Variants in ADAMTS2 observed in about 807,000 individuals in gnomAD.
ADAMTS2 encodes A disintegrin and metalloproteinase with thrombospondin motifs 2.
In ADAMTS2, 50 loss-of-function variants were observed where a neutral mutation model predicts 123.0. That is an observed-to-expected ratio of 0.41 (90% confidence interval 0.32 to 0.51). ADAMTS2 has a LOEUF of 0.51. Ranked by LOEUF, ADAMTS2 falls within the 20% of genes least tolerant of loss-of-function variation. The pLI, the probability that ADAMTS2 is intolerant of heterozygous loss-of-function variation, is 0.35. For synonymous variants in ADAMTS2, 678 were observed against 695.4 expected (o/e 0.98, Z 0.39); for missense variants, 1,494 against 1,705.2 (o/e 0.88, Z 2.18).
Position 179,158,880 on chromosome 5 carries a change from C to T in ADAMTS2, c.976-1G>A. ...TCCCGATCTCGATGAGGCTCATGGA[C>T]TGCAGGGGGATGGAGAGAAATGGAA... On this transcript the variant is annotated splice_acceptor_variant, in intron 5 of 21. Coordinates refer to ENST00000251582, the MANE Select transcript of ADAMTS2 (RefSeq NM_014244.5). LOFTEE classifies it high-confidence loss of function. The surrounding 1 kb of genome is among the most constrained non-coding windows in gnomAD (Gnocchi z 5.0). 6.2e-7 allele frequency: 1 copy of T among 1,613,978 alleles called. No homozygotes were observed. Among genetic ancestry groups the T allele is most frequent in the Non-Finnish European group, 8.5e-7 (1 of 1,180,018 alleles).
intron 2 of ADAMTS2, among the ~76,000 whole-genome samples, chr5:179,327,682 C>G (rs145873535): frequency 3.9e-5 from 6 of 152,308 alleles, no homozygotes; most frequent in Non-Finnish European, 7.4e-5. Flanking sequence ...CCATTCAGGC[C>G]AAGGTTTGTC....
chr5:179,233,440 A>G (rs1417331943), intron 3 of ADAMTS2, among the ~76,000 whole-genome samples: 1 of 152,080 alleles, frequency 6.6e-6, no homozygotes, highest in African/African-American at 2.4e-5. Flanking sequence ...CAGCACTTTG[A>G]AAGGCTGAGG....
intron 4 of ADAMTS2, among the ~76,000 whole-genome samples, chr5:179,201,631 C>CAAAAAAAAAAAAAAA (rs58141791): frequency 7.6e-5 from 7 of 91,882 alleles, no homozygotes; most frequent in African/African-American, 2.7e-4. Context: ...ACTAAAAATA[C>CAAAAAAAAAAAAAAA]AAAAAAAAAA....
At chr5:179,192,761 G>GCAC (rs1561797696) in intron 4 of ADAMTS2, among the ~76,000 whole-genome samples, 1 of 152,184 alleles carries the variant, frequency 6.6e-6, no homozygotes, top group Non-Finnish European at 1.5e-5. Flanking sequence ...TTCCCACGGG[G>GCAC]CACCCTATGC....
Position 179,228,773 on chromosome 5 carries a change from C to T in ADAMTS2, c.689-21058G>A, listed in dbSNP as rs909517966. 2.0e-4 allele frequency among the ~76,000 whole-genome samples: 31 copies of T among 152,356 alleles called. No homozygotes were observed. The highest frequency in any genetic ancestry group is 6.7e-4 in the African/African-American group (28 of 41,580). On this transcript the variant is annotated intron_variant, in intron 3 of 21. Transcript: ENST00000251582. This position sits in a 1 kb window ranked among gnomAD's most constrained non-coding sequence, Gnocchi z 5.2. ...CTCCTGTGGGGCTCCAGACCCGGGGCGGTGCCTTCACCACGGCCTCCTCAT... is the reference window on the plus strand; with the variant it reads ...CTCCTGTGGGGCTCCAGACCCGGGGTGGTGCCTTCACCACGGCCTCCTCAT...
chr5:179,231,515 T>G (rs1765412165), intron 3 of ADAMTS2, among the ~76,000 whole-genome samples: 1 of 152,156 alleles, frequency 6.6e-6, no homozygotes, highest in African/African-American at 2.4e-5. Flanking sequence ...TCTGCACAAA[T>G]CCACACTTGC....
At position 179,137,775 on chromosome 5, in the gene ADAMTS2, G is replaced by C. The variant is rs1429183298; in HGVS notation, c.1945C>G (p.Arg649Gly). The change falls in exon 12 of 22, where the codon CGG becomes GGG. Residue 649 changes from arginine to glycine, a missense_variant. Physicochemically the swap from Arg to Gly is moderately radical, Grantham distance 125. Transcript: ENST00000251582. The part of the protein sequence containing the change: ...AQHHWLPHEH[R>G]DAKERCHLYC... ...GCCTCCCAGAAGGGCTCACCATCCC[G>C]GTGCTCGTGGGGCAGCCAGTGGTGC... is the stretch of plus-strand genomic sequence containing the variant. 10 of 1,339,290 alleles carry C rather than the reference G, an allele frequency of 7.5e-6. No individual in the cohort carries two copies. In the Admixed American group the frequency reaches 2.1e-4, roughly 28 times the overall value. 83.0% of individuals were successfully genotyped at this position (1,339,290 alleles called of 1,614,324 possible). A position where few individuals can be genotyped will look rare whatever the true frequency, so the allele number is the denominator to read the frequency against.
Position 179,181,498 on chromosome 5 carries a change from G to A in ADAMTS2, c.892-343C>T, listed in dbSNP as rs186484569. Among the ~76,000 whole-genome samples, 2 of 152,238 alleles carry A rather than the reference G, an allele frequency of 1.3e-5. No individual in the cohort carries two copies. The highest frequency in any genetic ancestry group is 6.5e-5 in the Admixed American group (1 of 15,296). Reference sequence around the variant, plus strand: ...CTGAAACACAACCTTCCCTTCAACAGTGAACGTGGGTGATGGACCCCCGCG... The same window carrying A: ...CTGAAACACAACCTTCCCTTCAACAATGAACGTGGGTGATGGACCCCCGCG... On this transcript the variant is annotated intron_variant, in intron 4 of 21. Coordinates refer to ENST00000251582, the MANE Select transcript of ADAMTS2 (RefSeq NM_014244.5). The surrounding 1 kb of genome is among the most constrained non-coding windows in gnomAD (Gnocchi z 4.1).
At chr5:179,249,164 G>C (rs1479133403) in intron 3 of ADAMTS2, among the ~76,000 whole-genome samples, 4 of 151,950 alleles carry the variant, frequency 2.6e-5, no homozygotes, top group Non-Finnish European at 5.9e-5. Flanking sequence ...TATGTTACAA[G>C]ATAAATTAGA....
At chr5:179,251,713 G>T (rs1245223179) in intron 3 of ADAMTS2, among the ~76,000 whole-genome samples, 3 of 152,174 alleles carry the variant, frequency 2.0e-5, no homozygotes, top group African/African-American at 7.2e-5. Context: ...GAACATATAT[G>T]TACACACAAA....
chr5:179,288,468 T>C (rs1026078547), intron 2 of ADAMTS2, among the ~76,000 whole-genome samples: 2 of 152,240 alleles, frequency 1.3e-5, no homozygotes, highest in African/African-American at 4.8e-5. Flanking sequence ...GTCTGGGCTG[T>C]GGCCAGGCTG....
intron 2 of ADAMTS2, among the ~76,000 whole-genome samples, chr5:179,315,437 C>G (rs182218099): frequency 2.0e-5 from 3 of 152,350 alleles, no homozygotes; most frequent in Non-Finnish European, 4.4e-5. Flanking sequence ...GATCCCAGGT[C>G]AGGAAACAGA....
intron 4 of ADAMTS2, among the ~76,000 whole-genome samples, chr5:179,200,808 T>C (rs1764545750): frequency 6.6e-6 from 1 of 152,060 alleles, no homozygotes; most frequent in Non-Finnish European, 1.5e-5. Flanking sequence ...TCAAAAACTA[T>C]CCCAGGCGGA....
Position 179,234,322 on chromosome 5 carries a change from C to T in ADAMTS2, c.689-26607G>A, listed in dbSNP as rs1286002529. 6.6e-6 allele frequency among the ~76,000 whole-genome samples: 1 copy of T among 152,096 alleles called. No individual in the cohort carries two copies. On this transcript the variant is annotated intron_variant, in intron 3 of 21. Transcript: ENST00000251582. The surrounding 1 kb of genome is among the most constrained non-coding windows in gnomAD (Gnocchi z 4.7). The stretch of plus-strand genomic sequence containing the variant: ...TTCTCCAGCTCTGCATGGAGAAGGC[C>T]TCACCATGCATCTCAGAGAGAAGTG...
At chr5:179,277,332 A>G (rs1766730823) in intron 2 of ADAMTS2, among the ~76,000 whole-genome samples, 1 of 20,298 alleles carries the variant, frequency 4.9e-5, no homozygotes, top group Admixed American at 7.3e-4. Context: ...CCCCGAGACC[A>G]AAGGCTGACC....
intron 4 of ADAMTS2, among the ~76,000 whole-genome samples, chr5:179,205,541 G>A (rs1764661396): frequency 6.6e-6 from 1 of 152,170 alleles, no homozygotes; most frequent in Non-Finnish European, 1.5e-5. Context: ...CCATCGGACT[G>A]TAATTCCAAG....
chr5:179,339,278 G>A (rs1757703291), intron 2 of ADAMTS2, among the ~76,000 whole-genome samples: 1 of 152,218 alleles, frequency 6.6e-6, no homozygotes, highest in Admixed American at 6.5e-5. Context: ...CCAGAGAGGA[G>A]GGCTTTCCAT....
At position 179,228,955 on chromosome 5, in the gene ADAMTS2, T is replaced by C. The variant is rs896551566; in HGVS notation, c.689-21240A>G. 1.3e-5 allele frequency among the ~76,000 whole-genome samples: 2 copies of C among 152,156 alleles called. No individual in the cohort carries two copies. The highest frequency in any genetic ancestry group is 1.3e-4 in the Admixed American group (2 of 15,284). On this transcript the variant is annotated intron_variant, in intron 3 of 21. Coordinates refer to ENST00000251582, the MANE Select transcript of ADAMTS2 (RefSeq NM_014244.5). The surrounding 1 kb of genome is among the most constrained non-coding windows in gnomAD (Gnocchi z 5.2). The stretch of plus-strand genomic sequence containing the variant: ...CCTGAGCTCCTCCCCCGGCCTGTGC[T>C]TGAGAGGTGACAGCCAGCACGTGAG...
At chr5:179,287,258 G>A (rs1436494001) in intron 2 of ADAMTS2, among the ~76,000 whole-genome samples, 3 of 152,192 alleles carry the variant, frequency 2.0e-5, no homozygotes, top group Admixed American at 2.0e-4. Context: ...GTAGGAGCCC[G>A]CCCAGGGCTG....
Sources: gnomAD v4.1 joint callset for allele counts (sites outside exome capture counted in the v4.1 genomes callset) on GRCh38, gnomAD v4.1.1 for gene constraint, Gnocchi (gnomAD v3.1) non-coding constraint, MANE v1.5 for transcripts, NCBI Gene and HGNC (gene_info 2026-07-23, HGNC 2026-07-21) for gene names.